Variants in STAG1 observed in about 807,000 individuals in gnomAD.
STAG1 encodes cohesin subunit SA-1.
STAG1 carries 26 observed loss-of-function variants against 170.9 expected under a neutral mutation model. That is an observed-to-expected ratio of 0.15 (90% CI 0.11 to 0.21). The LOEUF is 0.21. STAG1 is among the 10% of genes least tolerant of loss of function. STAG1 has a pLI of 1.00. For synonymous variants in STAG1, 514 were observed against 497.7 expected (o/e 1.03, Z -0.44); for missense variants, 964 against 1,509.5 (o/e 0.64, Z 5.99).
intron 4 of STAG1, among the ~76,000 whole-genome samples, chr3:136,595,589 A>C (rs892904550): frequency 6.6e-6 from 1 of 151,842 alleles, no homozygotes; most frequent in African/African-American, 2.4e-5. Context: ...AGGCAGAAGA[A>C]TGGCATGAAT....
At chr3:136,652,964 G>A (rs1559931793) in intron 1 of STAG1, among the ~76,000 whole-genome samples, 1 of 152,038 alleles carries the variant, frequency 6.6e-6, no homozygotes, top group Non-Finnish European at 1.5e-5. Flanking sequence ...AATAAGGGTG[G>A]GAGACACTGC....
rs1481996076 is a variant in STAG1, at chr3:136,638,239, T to C, written c.-83-7258A>G. On this transcript the variant is annotated intron_variant, in intron 1 of 33. Transcript: ENST00000383202. ...ATCTCCGCCTCCCAGATTCAAGCGA[T>C]TCTCCTGCCTCAGCCTCCCAAGTAG... Among the ~76,000 whole-genome samples, 7 of 151,572 alleles carry C rather than the reference T, an allele frequency of 4.6e-5. No individual in the cohort carries two copies. The East Asian group carries it at 7.7e-4, about 17-fold the overall frequency.
chr3:136,473,718 T>A lies in STAG1; in HGVS notation c.1027-81A>T, dbSNP rs1455848406. The A allele has an allele frequency of 6.8e-6, 7 of 1,022,152 alleles. No homozygotes were observed. The African/African-American group carries it at 1.1e-4, about 16-fold the overall frequency. The allele number at this position is 1,022,152 out of a possible 1,614,324, so 63.3% of individuals were successfully genotyped here. ...TCAAGTCTATATGAAGACTAAAATT[T>A]AGCTTAAACATTTGACTTACTGCAT... On this transcript the variant is annotated intron_variant, in intron 10 of 33. Coordinates refer to ENST00000383202, the MANE Select transcript of STAG1 (RefSeq NM_005862.3).
At chr3:136,644,262 C>T (rs1356538494) in intron 1 of STAG1, among the ~76,000 whole-genome samples, 3 of 152,022 alleles carry the variant, frequency 2.0e-5, no homozygotes, top group Non-Finnish European at 2.9e-5. Flanking sequence ...GAGTATTCCC[C>T]CAACAGAAGG....
At position 136,341,436 on chromosome 3, in the gene STAG1, C is replaced by G; in HGVS notation, c.3557+5G>C. On this transcript the variant is annotated splice_donor_5th_base_variant and intron_variant, in intron 31 of 33. Coordinates refer to ENST00000383202, the MANE Select transcript of STAG1 (RefSeq NM_005862.3). Reference sequence around the variant, plus strand: ...TGTTCTTGTGATACTCCATGTAACACTTACACAGCATGCCTCACTCCAGTT... The same window carrying G: ...TGTTCTTGTGATACTCCATGTAACAGTTACACAGCATGCCTCACTCCAGTT... 1 of 1,583,572 alleles carries G rather than the reference C, an allele frequency of 6.3e-7. No individual in the cohort carries two copies. The highest frequency in any genetic ancestry group is 8.7e-7 in the Non-Finnish European group (1 of 1,153,004).
intron 1 of STAG1, among the ~76,000 whole-genome samples, chr3:136,716,844 C>A (rs914627509): frequency 1.3e-5 from 2 of 152,200 alleles, no homozygotes; most frequent in Non-Finnish European, 2.9e-5. Flanking sequence ...TAAAGCTGCA[C>A]TAACTAATTG....
intron 1 of STAG1, among the ~76,000 whole-genome samples, chr3:136,678,863 AAAAG>A (rs1304912171): frequency 6.6e-6 from 1 of 150,934 alleles, no homozygotes; most frequent in Non-Finnish European, 1.5e-5. Flanking sequence ...AAAAAAAAAA[AAAAG>A]AAAAAGAAGA....
In STAG1 at chr3:136,734,803, TATA is replaced by T. The variant is rs1007045902; in HGVS notation, c.-84+17389_-84+17391del. ...CAATTTTGTATACCACTGCCACACA[TATA>T]ATAAGTACTCACAAAATATTTGCTG... is the stretch of plus-strand genomic sequence containing the variant. On this transcript the variant is annotated intron_variant, in intron 1 of 33. Coordinates refer to ENST00000383202, the MANE Select transcript of STAG1 (RefSeq NM_005862.3). 5.9e-5 allele frequency among the ~76,000 whole-genome samples: 9 copies of T among 152,194 alleles called. 1 individual carries two copies. Among genetic ancestry groups the T allele is most frequent in the South Asian group, 4.1e-4 (2 of 4,828 alleles).
intron 1 of STAG1, among the ~76,000 whole-genome samples, chr3:136,741,053 G>A (rs1934642931): frequency 6.6e-6 from 1 of 152,206 alleles, no homozygotes. Context: ...GAGAAGCACT[G>A]GAAGCCTTTG....
rs1313634326 is a variant in STAG1 at position 136,479,604 on chromosome 3, G to A, written c.903-2192C>T. ...TTGGGTATATATCCAGTAACGGGAT[G>A]GCTGGGTCAAATGGTATTTCTAGTT... is the stretch of plus-strand genomic sequence containing the variant. On this transcript the variant is annotated intron_variant, in intron 9 of 33. Transcript: ENST00000383202. Among the ~76,000 whole-genome samples, 2 of 60,888 alleles carry A rather than the reference G, an allele frequency of 3.3e-5. 1 individual carries two copies. The highest frequency in any genetic ancestry group is 7.2e-5 in the Non-Finnish European group (2 of 27,850). The allele number at this position is 60,888 out of a possible 152,430, so 39.9% of individuals were successfully genotyped here.
At chr3:136,479,480 T>C (rs966753516) in intron 9 of STAG1, among the ~76,000 whole-genome samples, 18 of 79,404 alleles carry the variant, frequency 2.3e-4, no homozygotes, top group Admixed American at 1.7e-3. Flanking sequence ...TCTATCATTG[T>C]TGGACATTTG....
chr3:136,374,825 T>C (rs528431666), intron 23 of STAG1, among the ~76,000 whole-genome samples: 1 of 152,296 alleles, frequency 6.6e-6, no homozygotes, highest in South Asian at 2.1e-4. Flanking sequence ...GAGTCTACAG[T>C]GATGTATAGT....
chr3:136,677,905 T>C (rs1393337823), intron 1 of STAG1, among the ~76,000 whole-genome samples: 1 of 147,530 alleles, frequency 6.8e-6, no homozygotes, highest in Non-Finnish European at 1.5e-5. Flanking sequence ...ATATAATATA[T>C]ATTATATATA....
chr3:136,563,663 A>C (rs1305475224), intron 5 of STAG1, among the ~76,000 whole-genome samples: 166 of 147,554 alleles, frequency 1.1e-3, no homozygotes, highest in African/African-American at 3.8e-3. Flanking sequence ...AAAAAAAAAA[A>C]CAACAACAAC....
At chr3:136,342,508 C>T (rs1235273353) in intron 30 of STAG1, among the ~76,000 whole-genome samples, 6 of 149,950 alleles carry the variant, frequency 4.0e-5, no homozygotes, top group Non-Finnish European at 7.4e-5. Flanking sequence ...GGTGTTGAGA[C>T]AGAGTCTGTG....
intron 29 of STAG1, among the ~76,000 whole-genome samples, chr3:136,345,139 T>C (rs1218512195): frequency 6.6e-6 from 1 of 152,024 alleles, no homozygotes; most frequent in Non-Finnish European, 1.5e-5. Context: ...TCGCAGGCTG[T>C]AGTACAGTGG....
chr3:136,387,958 A>G (rs185815666), intron 22 of STAG1, among the ~76,000 whole-genome samples: 2 of 152,308 alleles, frequency 1.3e-5, no homozygotes, highest in East Asian at 1.9e-4. Context: ...TATCCCAAAA[A>G]TTCAGATGGA....
At chr3:136,738,873 C>T (rs2107948512) in intron 1 of STAG1, among the ~76,000 whole-genome samples, 1 of 152,076 alleles carries the variant, frequency 6.6e-6, no homozygotes, top group South Asian at 2.1e-4. Flanking sequence ...ATAATGTACA[C>T]ATATACCAAA....
chr3:136,678,753 C>T (rs188217407), intron 1 of STAG1, among the ~76,000 whole-genome samples: 2 of 150,090 alleles, frequency 1.3e-5, no homozygotes, highest in African/African-American at 2.4e-5. Flanking sequence ...TGGCTCATGC[C>T]TGTAATCCCG....
Sources: allele counts gnomAD v4.1 joint callset (sites outside exome capture counted in the v4.1 genomes callset), GRCh38; gene constraint gnomAD v4.1.1; transcripts MANE v1.5; gene names NCBI Gene and HGNC (gene_info 2026-07-23, HGNC 2026-07-21).